KCNMA1: variants seen among roughly 807,000 people sequenced by gnomAD.
The protein encoded by KCNMA1 is potassium calcium-activated channel subfamily M alpha 1, also known as Calcium-activated potassium channel subunit alpha-1.
Under a neutral mutation model 140.0 loss-of-function variants are expected in KCNMA1, and 29 were observed. That is an observed-to-expected ratio of 0.21 (90% CI 0.15 to 0.28). KCNMA1 has a LOEUF of 0.28. Among genes scored for constraint, KCNMA1 ranks in the 10% least tolerant of loss-of-function variants. The pLI is 1.00. For synonymous variants in KCNMA1, 612 were observed against 611.9 expected (o/e 1.00, Z 0.00); for missense variants, 880 against 1,602.2 (o/e 0.55, Z 7.70).
At chr10:77,405,230 C>T (rs1206559086) in intron 1 of KCNMA1, among the ~76,000 whole-genome samples, 1 of 152,184 alleles carries the variant, frequency 6.6e-6, no homozygotes, top group Non-Finnish European at 1.5e-5. Context: ...TCTTCCCTGG[C>T]CACCTGTTTA....
At chr10:77,520,729 C>T (rs1357882207) in intron 1 of KCNMA1, among the ~76,000 whole-genome samples, 1 of 152,050 alleles carries the variant, frequency 6.6e-6, no homozygotes, top group Non-Finnish European at 1.5e-5. Context: ...GTAGGCTCAC[C>T]CCAAGCCTGC....
At chr10:77,404,103 C>G in intron 1 of KCNMA1, 80 bp from the exon 2 acceptor site, 1 of 1,447,886 alleles carries the variant, frequency 6.9e-7, no homozygotes, top group Non-Finnish European at 9.6e-7. Context: ...AGAACCAGAG[C>G]CAGAAGGGGT....
intron 1 of KCNMA1, among the ~76,000 whole-genome samples, chr10:77,515,207 G>A (rs1420093684): frequency 6.6e-6 from 1 of 152,138 alleles, no homozygotes; most frequent in African/African-American, 2.4e-5. Context: ...TTCAGCACCG[G>A]GGGATGGGGG....
In KCNMA1 at chr10:77,027,993, C is replaced by A. The variant is rs765305824; in HGVS notation, c.1860-102G>T. ...TTCGGTCTCCTAATGCAGTCATTAC[C>A]GAGGGGATCCTCATTCCACCGGCAC... On this transcript the variant is annotated intron_variant, in intron 15 of 27. Coordinates refer to ENST00000286628, the MANE Select transcript of KCNMA1 (RefSeq NM_001161352.2). The A allele has an allele frequency of 7.8e-6, 8 of 1,023,602 alleles. No individual in the cohort carries two copies. In the East Asian group the frequency reaches 1.2e-4, roughly 15 times the overall value. 63.4% of individuals were successfully genotyped at this position (1,023,602 alleles called of 1,614,324 possible).
intron 2 of KCNMA1, among the ~76,000 whole-genome samples, chr10:77,254,083 A>T (rs2060194862): frequency 6.6e-6 from 1 of 152,192 alleles, no homozygotes; most frequent in Admixed American, 6.5e-5. Context: ...TTGAAAACAC[A>T]AAATGATTAC....
At chr10:76,962,163 A>G (rs150298057) in intron 20 of KCNMA1, among the ~76,000 whole-genome samples, 32 of 152,278 alleles carry the variant, frequency 2.1e-4, no homozygotes, top group Middle Eastern at 6.8e-3. Flanking sequence ...TAAAGTGCAC[A>G]ATTTCCCTTA....
intron 9 of KCNMA1, among the ~76,000 whole-genome samples, chr10:77,092,651 T>G (rs1471500036): frequency 6.6e-6 from 1 of 152,230 alleles, no homozygotes; most frequent in Non-Finnish European, 1.5e-5. Context: ...AGGAGGAAGC[T>G]GAGAGGTTAA....
intron 1 of KCNMA1, among the ~76,000 whole-genome samples, chr10:77,551,731 C>T (rs2062898268): frequency 1.3e-5 from 2 of 152,198 alleles, no homozygotes; most frequent in Admixed American, 1.3e-4. Flanking sequence ...GAGCCTCTTT[C>T]CCCTAAGCAT....
chr10:77,082,773 C>G (rs1415211536), intron 12 of KCNMA1, among the ~76,000 whole-genome samples: 1 of 152,160 alleles, frequency 6.6e-6, no homozygotes, highest in Non-Finnish European at 1.5e-5. Context: ...AAGCCCAAAG[C>G]TTAGAAGAGT....
chr10:77,124,791 A>G (rs2097698057), intron 5 of KCNMA1, among the ~76,000 whole-genome samples: 1 of 152,228 alleles, frequency 6.6e-6, no homozygotes. Flanking sequence ...TTGGTCTTTC[A>G]GGAATCATTC....
chr10:77,310,230 C>T (rs544557549), intron 2 of KCNMA1, among the ~76,000 whole-genome samples: 9 of 152,282 alleles, frequency 5.9e-5, no homozygotes, highest in Non-Finnish European at 8.8e-5. Flanking sequence ...CCTTTTGTAC[C>T]GGCTGGTAAA....
At chr10:76,897,470 T>G (rs1329299648) in intron 25 of KCNMA1, among the ~76,000 whole-genome samples, 2 of 152,108 alleles carry the variant, frequency 1.3e-5, no homozygotes, top group African/African-American at 2.4e-5. Context: ...AAAGGAATTT[T>G]GACAGGACAC....
intron 1 of KCNMA1, among the ~76,000 whole-genome samples, chr10:77,457,531 C>A (rs2097780644): frequency 2.6e-5 from 4 of 152,166 alleles, no homozygotes; most frequent in Admixed American, 2.6e-4. Flanking sequence ...CTCCCTTCCC[C>A]CTCTAGCCCT....
At chr10:77,182,579 T>C (rs959868598) in intron 5 of KCNMA1, among the ~76,000 whole-genome samples, 6 of 152,206 alleles carry the variant, frequency 3.9e-5, no homozygotes, top group Admixed American at 1.3e-4. Flanking sequence ...TTTGTTTTCA[T>C]TGATTACAAT....
At chr10:77,186,776 A>AATGT (rs2098861152) in intron 3 of KCNMA1, among the ~76,000 whole-genome samples, 1 of 89,952 alleles carries the variant, frequency 1.1e-5, no homozygotes, top group Non-Finnish European at 2.2e-5. Flanking sequence ...CTAAAGAGTA[A>AATGT]ATGTGTGTGT....
intron 1 of KCNMA1, among the ~76,000 whole-genome samples, chr10:77,610,290 C>T (rs572913102): frequency 3.3e-5 from 5 of 152,254 alleles, no homozygotes; most frequent in Non-Finnish European, 5.9e-5. Flanking sequence ...CTGCACCCCC[C>T]ACCACACACA....
chr10:77,229,863 C>G (rs546767517), intron 3 of KCNMA1, among the ~76,000 whole-genome samples: 56 of 152,252 alleles, frequency 3.7e-4, no homozygotes, highest in African/African-American at 1.3e-3. Flanking sequence ...TAAAATGGTA[C>G]AGCCATTGTG....
intron 5 of KCNMA1, among the ~76,000 whole-genome samples, chr10:77,163,727 T>C (rs1204343572): frequency 2.0e-5 from 3 of 152,192 alleles, no homozygotes; most frequent in Non-Finnish European, 4.4e-5. Flanking sequence ...TTATGCTAAT[T>C]ACTAAAGACT....
At position 76,898,973 on chromosome 10, in the gene KCNMA1, A is replaced by T. The variant is rs537695755; in HGVS notation, c.3148-7254T>A. On this transcript the variant is annotated intron_variant, in intron 25 of 27. Transcript: ENST00000286628. ...AATAAACTTATGACAATATAACTGA[A>T]AAAACACAAATAAAATTAGAAATAA... Among the ~76,000 whole-genome samples, 102 of 152,178 alleles carry T rather than the reference A, an allele frequency of 6.7e-4. 2 individuals are homozygous for T. Among genetic ancestry groups the T allele is most frequent in the South Asian group, 2.7e-3 (13 of 4,830 alleles).
Sources: allele counts gnomAD v4.1 joint callset (sites outside exome capture counted in the v4.1 genomes callset), GRCh38; gene constraint gnomAD v4.1.1; transcripts MANE v1.5; gene names NCBI Gene and HGNC (gene_info 2026-07-23, HGNC 2026-07-21).